Variants in HS6ST3 observed in about 807,000 individuals in gnomAD.
HS6ST3 encodes heparan sulfate 6-O-sulfotransferase 3, also known as heparan-sulfate 6-O-sulfotransferase 3.
In HS6ST3, 12 loss-of-function variants were observed where a neutral mutation model predicts 36.7. That is an observed-to-expected ratio of 0.33 (90% CI 0.21 to 0.53). The LOEUF is 0.53. HS6ST3 is among the 20% of genes least tolerant of loss of function. The pLI is 0.95. For synonymous variants in HS6ST3, 240 were observed against 257.5 expected, an observed-to-expected ratio of 0.93 and a Z score of 0.65; for missense variants, 584 against 640.9, an observed-to-expected ratio of 0.91 and a Z score of 0.96.
chr13:96,356,013 C>G (rs2055208392), intron 1 of HS6ST3, among the ~76,000 whole-genome samples: 1 of 152,174 alleles, frequency 6.6e-6, no homozygotes, highest in Non-Finnish European at 1.5e-5. Flanking sequence ...CCATGAGAAG[C>G]AACTCCTTAC....
At chr13:96,505,298 A>G (rs2056021934) in intron 1 of HS6ST3, among the ~76,000 whole-genome samples, 1 of 152,196 alleles carries the variant, frequency 6.6e-6, no homozygotes, top group Non-Finnish European at 1.5e-5. Context: ...ACTAATGAGA[A>G]CAGCAAGTGG....
At chr13:96,381,360 G>A (rs927404531) in intron 1 of HS6ST3, among the ~76,000 whole-genome samples, 4 of 121,944 alleles carry the variant, frequency 3.3e-5, no homozygotes, top group Admixed American at 1.7e-4. Context: ...ATATGTGTGT[G>A]TATATCTATT....
At chr13:96,423,042 C>T (rs529666127) in intron 1 of HS6ST3, among the ~76,000 whole-genome samples, 4 of 152,132 alleles carry the variant, frequency 2.6e-5, no homozygotes, top group African/African-American at 7.2e-5. Context: ...GGGAATAGAA[C>T]ACATACAAAG....
chr13:96,177,410 G>T (rs1368339970), intron 1 of HS6ST3, among the ~76,000 whole-genome samples: 1 of 152,104 alleles, frequency 6.6e-6, no homozygotes, highest in East Asian at 1.9e-4. Flanking sequence ...GGAAAATGTG[G>T]TACATATTCA....
intron 1 of HS6ST3, among the ~76,000 whole-genome samples, chr13:96,222,297 G>C (rs921682091): frequency 6.6e-6 from 1 of 152,226 alleles, no homozygotes; most frequent in Non-Finnish European, 1.5e-5. Flanking sequence ...ATGGGCTTTA[G>C]TAATTTCTAG....
intron 1 of HS6ST3, among the ~76,000 whole-genome samples, chr13:96,303,340 C>G (rs891166959): frequency 2.0e-5 from 3 of 152,174 alleles, no homozygotes; most frequent in African/African-American, 7.2e-5. Flanking sequence ...GAGATCTGGG[C>G]TGCTGCCATT....
rs1877973749 is a variant in HS6ST3 at position 96,798,787 on chromosome 13, CTA to C, written c.708-33699_708-33698del. Among the ~76,000 whole-genome samples the C allele has an allele frequency of 2.0e-5, 3 of 152,180 alleles. 1 individual carries two copies. The highest frequency in any genetic ancestry group is 7.2e-5 in the African/African-American group (3 of 41,546). ...GGTTGCCATAACAAAATACCACAGA[CTA>C]TATGAGCTAAACAACAGAAATTTAT... On this transcript the variant is annotated intron_variant, in intron 1 of 1. Transcript: ENST00000376705.
intron 1 of HS6ST3, among the ~76,000 whole-genome samples, chr13:96,771,007 G>A (rs528864400): frequency 6.6e-6 from 1 of 152,102 alleles, no homozygotes; most frequent in South Asian, 2.1e-4. Context: ...ATCATTGTTG[G>A]ACATTTGGGT....
At chr13:96,459,694 C>G (rs756694046) in intron 1 of HS6ST3, among the ~76,000 whole-genome samples, 7 of 152,142 alleles carry the variant, frequency 4.6e-5, no homozygotes, top group African/African-American at 1.7e-4. Flanking sequence ...CATACATGTT[C>G]CTTTCTCAGC....
At chr13:96,600,761 C>T (rs1324811486) in intron 1 of HS6ST3, among the ~76,000 whole-genome samples, 1 of 151,392 alleles carries the variant, frequency 6.6e-6, no homozygotes, top group African/African-American at 2.4e-5. Context: ...TTTTATAAGC[C>T]CTGTGAGTTT....
chr13:96,703,365 C>T (rs1875339292), intron 1 of HS6ST3, among the ~76,000 whole-genome samples: 1 of 152,176 alleles, frequency 6.6e-6, no homozygotes, highest in Non-Finnish European at 1.5e-5. Context: ...TGCTCATCTG[C>T]ATTTGTTAAG....
chr13:96,242,791 A>T (rs757156157), intron 1 of HS6ST3, among the ~76,000 whole-genome samples: 8 of 152,196 alleles, frequency 5.3e-5, no homozygotes, highest in Non-Finnish European at 1.0e-4. Flanking sequence ...TAGAAATAGA[A>T]TTACCATAGA....
intron 1 of HS6ST3, among the ~76,000 whole-genome samples, chr13:96,138,413 CAGTTTATAAATATAT>C (rs1278485129): frequency 1.4e-5 from 2 of 147,730 alleles, no homozygotes; most frequent in Admixed American, 1.4e-4. Context: ...TATATATTTA[CAGTTTATAAATATAT>C]ATTTACAGTT....
chr13:96,111,526 G>A (rs903108241), intron 1 of HS6ST3, among the ~76,000 whole-genome samples: 2 of 152,052 alleles, frequency 1.3e-5, no homozygotes, highest in African/African-American at 4.8e-5. Context: ...CTTGTCATTG[G>A]GTTAAGTTTG....
chr13:96,105,066 G>A (rs1470544316), intron 1 of HS6ST3, among the ~76,000 whole-genome samples: 6 of 137,398 alleles, frequency 4.4e-5, no homozygotes, highest in Admixed American at 1.5e-4. Flanking sequence ...CATAAAGATG[G>A]AAAAAAAAAA....
At chr13:96,537,264 A>G (rs3899546) in intron 1 of HS6ST3, among the ~76,000 whole-genome samples, 14,152 of 152,148 alleles carry the variant, frequency 0.093, 1,232 homozygotes, top group African/African-American at 0.23. Flanking sequence ...TGTGAGACTT[A>G]ACTACCACGA....
chr13:96,293,028 T>C (rs780888360), intron 1 of HS6ST3, among the ~76,000 whole-genome samples: 12 of 152,070 alleles, frequency 7.9e-5, no homozygotes, highest in Admixed American at 2.6e-4. Context: ...ATTGTGGAGA[T>C]ATTAACATAT....
chr13:96,403,762 T>C (rs1236404980), intron 1 of HS6ST3, among the ~76,000 whole-genome samples: 1 of 152,198 alleles, frequency 6.6e-6, no homozygotes, highest in Non-Finnish European at 1.5e-5. Context: ...ATGCTTTCAT[T>C]AGCGTGTATC....
chr13:96,499,736 G>A (rs910051413), intron 1 of HS6ST3, among the ~76,000 whole-genome samples: 1 of 152,118 alleles, frequency 6.6e-6, no homozygotes, highest in Admixed American at 6.6e-5. Context: ...AGGCCCAGGA[G>A]GCCAGTGTGG....
Sources: gnomAD v4.1 joint callset for allele counts (sites outside exome capture counted in the v4.1 genomes callset) on GRCh38, gnomAD v4.1.1 for gene constraint, MANE v1.5 for transcripts, NCBI Gene and HGNC (gene_info 2026-07-23, HGNC 2026-07-21) for gene names.